The following CDH13 variants were observed in gnomAD, a reference collection of about 807,000 sequenced individuals.
CDH13 encodes the protein cadherin-13.
In CDH13, 24 loss-of-function variants were observed where a neutral mutation model predicts 63.8. That is an observed-to-expected ratio of 0.38 (90% CI 0.27 to 0.53). The LOEUF is 0.53. Among genes scored for constraint, CDH13 ranks in the 20% least tolerant of loss-of-function variants. The pLI, the probability that CDH13 is intolerant of heterozygous loss-of-function variation, is 0.85. For missense variants in CDH13, 1,049 were observed against 903.1 expected, an observed-to-expected ratio of 1.16 and a Z score of -2.07; for synonymous variants, 503 against 355.3, an observed-to-expected ratio of 1.42 and a Z score of -4.67.
At chr16:83,332,221 T>C (rs1597770037) in intron 5 of CDH13, among the ~76,000 whole-genome samples, 1 of 152,244 alleles carries the variant, frequency 6.6e-6, no homozygotes, top group Non-Finnish European at 1.5e-5. Context: ...AAAACCTGCA[T>C]TTCAGTAGTT....
chr16:82,746,100 C>T (rs533168295), intron 1 of CDH13, among the ~76,000 whole-genome samples: 3 of 151,766 alleles, frequency 2.0e-5, no homozygotes, highest in African/African-American at 4.8e-5. Flanking sequence ...ATTTCTCTCT[C>T]TCTATATATA....
At chr16:83,351,492 C>T (rs2090950789) in intron 6 of CDH13, among the ~76,000 whole-genome samples, 1 of 152,120 alleles carries the variant, frequency 6.6e-6, no homozygotes, top group Non-Finnish European at 1.5e-5. Context: ...AATGGGAGCT[C>T]TATGTGCTTT....
intron 1 of CDH13, among the ~76,000 whole-genome samples, chr16:82,718,275 C>T (rs1414670391): frequency 1.3e-5 from 2 of 152,322 alleles, no homozygotes; most frequent in South Asian, 2.1e-4. Flanking sequence ...TATCTACCAA[C>T]TCCCCTTCTA....
In CDH13 at chr16:83,670,469, T is replaced by C. The variant is rs190289534; in HGVS notation, c.1102-321T>C. 2.1e-3 allele frequency among the ~76,000 whole-genome samples: 323 copies of C among 152,300 alleles called. 1 individual carries two copies. Among genetic ancestry groups the C allele is most frequent in the Middle Eastern group, 6.8e-3 (2 of 294 alleles). Reference sequence around the variant, plus strand: ...GCTTCCCTGGGGTTTTGTGGTCCTCTGCATTCAGGTAGGCAGAGGGTGAAA... The same window carrying C: ...GCTTCCCTGGGGTTTTGTGGTCCTCCGCATTCAGGTAGGCAGAGGGTGAAA... On this transcript the variant is annotated intron_variant, in intron 8 of 13. Coordinates refer to ENST00000567109, the MANE Select transcript of CDH13 (RefSeq NM_001257.5).
intron 1 of CDH13, among the ~76,000 whole-genome samples, chr16:82,634,533 G>A (rs974203545): frequency 2.6e-5 from 4 of 152,138 alleles, no homozygotes; most frequent in South Asian, 4.1e-4. Context: ...ATTATGGCCC[G>A]TGAGCCAATT....
At chr16:83,360,139 G>C (rs2151384680) in intron 6 of CDH13, among the ~76,000 whole-genome samples, 1 of 152,282 alleles carries the variant, frequency 6.6e-6, no homozygotes, top group Middle Eastern at 3.4e-3. Context: ...CCAAAGATAG[G>C]GCTTCCTTTT....
At chr16:82,988,932 A>G (rs1911310181) in intron 2 of CDH13, among the ~76,000 whole-genome samples, 1 of 152,160 alleles carries the variant, frequency 6.6e-6, no homozygotes, top group Non-Finnish European at 1.5e-5. Flanking sequence ...CGTTCCTTGA[A>G]GACTCCATTG....
At position 82,881,805 on chromosome 16, in the gene CDH13, T is replaced by C. The variant is rs149395659; in HGVS notation, c.157+23332T>C. On this transcript the variant is annotated intron_variant, in intron 2 of 13. Transcript: ENST00000567109. Reference sequence around the variant, plus strand: ...GGGGCTGACTATCTGAGTGTCCCCCTGCGATACGATAGCATGTCACCTGGT... The same window carrying C: ...GGGGCTGACTATCTGAGTGTCCCCCCGCGATACGATAGCATGTCACCTGGT... Among the ~76,000 whole-genome samples, 943 of 152,176 alleles carry C rather than the reference T, an allele frequency of 6.2e-3. 14 individuals carry two copies. Among genetic ancestry groups the C allele is most frequent in the African/African-American group, 0.022 (907 of 41,528 alleles).
At chr16:83,198,368 A>C (rs1259929960) in intron 4 of CDH13, among the ~76,000 whole-genome samples, 1 of 152,036 alleles carries the variant, frequency 6.6e-6, no homozygotes, top group Non-Finnish European at 1.5e-5. Flanking sequence ...TGACCAGCTC[A>C]AGAATAAATA....
At chr16:82,828,689 CAT>C (rs200586101) in intron 1 of CDH13, among the ~76,000 whole-genome samples, 14 of 149,898 alleles carry the variant, frequency 9.3e-5, no homozygotes, top group Non-Finnish European at 8.9e-5. Flanking sequence ...TATACACAAA[CAT>C]ATATATATAC....
At chr16:83,333,271 C>G (rs889735486) in intron 5 of CDH13, among the ~76,000 whole-genome samples, 1 of 151,082 alleles carries the variant, frequency 6.6e-6, no homozygotes, top group Non-Finnish European at 1.5e-5. Context: ...ACCTGGATTA[C>G]GGTAATAGAA....
intron 4 of CDH13, among the ~76,000 whole-genome samples, chr16:83,202,604 T>C (rs1443261243): frequency 6.6e-6 from 1 of 152,174 alleles, no homozygotes; most frequent in African/African-American, 2.4e-5. Flanking sequence ...TATTTACATT[T>C]CCAGGCATCA....
chr16:82,933,907 G>A (rs946235844), intron 2 of CDH13, among the ~76,000 whole-genome samples: 1 of 152,206 alleles, frequency 6.6e-6, no homozygotes, highest in Admixed American at 6.5e-5. Context: ...GGGCAGCTTT[G>A]TCCCTGTGGC....
intron 11 of CDH13, among the ~76,000 whole-genome samples, chr16:83,769,288 T>C (rs1461709774): frequency 1.3e-5 from 2 of 152,164 alleles, no homozygotes; most frequent in Non-Finnish European, 2.9e-5. Context: ...TGCAAATCAA[T>C]TCTTAAACAG....
chr16:83,311,939 T>C (rs2090009436), intron 5 of CDH13, among the ~76,000 whole-genome samples: 1 of 151,812 alleles, frequency 6.6e-6, no homozygotes, highest in African/African-American at 2.4e-5. Flanking sequence ...CCAGGCGTGG[T>C]GGTGCATGCC....
intron 4 of CDH13, among the ~76,000 whole-genome samples, chr16:83,200,723 C>T (rs557500635): frequency 5.3e-5 from 8 of 152,218 alleles, no homozygotes; most frequent in African/African-American, 1.2e-4. Flanking sequence ...GTGCAGTTTC[C>T]GAAAAACTTT....
intron 1 of CDH13, among the ~76,000 whole-genome samples, chr16:82,851,892 C>G (rs1174207076): frequency 6.6e-6 from 1 of 152,208 alleles, no homozygotes. Flanking sequence ...ATCTAAGACC[C>G]TCCAAATTGA....
intron 6 of CDH13, among the ~76,000 whole-genome samples, chr16:83,439,646 G>T (rs1255668333): frequency 6.6e-6 from 1 of 152,160 alleles, no homozygotes; most frequent in Non-Finnish European, 1.5e-5. Context: ...CAATGTTCAG[G>T]TCTGTCTGTG....
chr16:82,697,807 A>G (rs1257244331), intron 1 of CDH13, among the ~76,000 whole-genome samples: 2 of 151,286 alleles, frequency 1.3e-5, no homozygotes. Context: ...TCATGAATTC[A>G]AAACATAGCC....
Sources: gnomAD v4.1 joint callset for allele counts (sites outside exome capture counted in the v4.1 genomes callset) on GRCh38, gnomAD v4.1.1 for gene constraint, MANE v1.5 for transcripts, NCBI Gene and HGNC (gene_info 2026-07-23, HGNC 2026-07-21) for gene names.